Variants in ZCCHC7 observed in about 807,000 individuals in gnomAD.
ZCCHC7 encodes zinc finger CCHC domain-containing protein 7.
In ZCCHC7, 35 loss-of-function variants were observed where a neutral mutation model predicts 52.0. That is an observed-to-expected ratio of 0.67 (90% CI 0.51 to 0.89). The LOEUF is 0.89. Ranked by LOEUF, ZCCHC7 falls within the 40% of genes least tolerant of loss-of-function variation. The pLI, the probability that ZCCHC7 is intolerant of heterozygous loss-of-function variation, is 0.00. For synonymous variants in ZCCHC7, 217 were observed against 221.5 expected, an observed-to-expected ratio of 0.98 and a Z score of 0.18; for missense variants, 574 against 649.1, an observed-to-expected ratio of 0.88 and a Z score of 1.26.
At chr9:37,211,905 G>A (rs1824237912) in intron 2 of ZCCHC7, among the ~76,000 whole-genome samples, 1 of 151,640 alleles carries the variant, frequency 6.6e-6, no homozygotes, top group Non-Finnish European at 1.5e-5. Context: ...GCAGGCGCCT[G>A]TAGTCCCAGC....
intron 2 of ZCCHC7, among the ~76,000 whole-genome samples, chr9:37,272,229 G>T (rs1409470156): frequency 6.6e-6 from 1 of 152,052 alleles, no homozygotes; most frequent in Non-Finnish European, 1.5e-5. Context: ...ATAAATATCT[G>T]CTGGGCCTGG....
chr9:37,186,871 G>A, intron 2 of ZCCHC7: 1 of 345,476 alleles, frequency 2.9e-6, no homozygotes, highest in Non-Finnish European at 5.6e-6. Flanking sequence ...TAACCTAACT[G>A]CGATTTATAA....
intron 2 of ZCCHC7, among the ~76,000 whole-genome samples, chr9:37,191,956 A>T (rs972959745): frequency 1.3e-5 from 2 of 152,272 alleles, no homozygotes; most frequent in Non-Finnish European, 2.9e-5. Flanking sequence ...GCCTAACAGC[A>T]AATAATCCTT....
chr9:37,247,066 AC>A (rs1826112121), intron 2 of ZCCHC7, among the ~76,000 whole-genome samples: 1 of 152,192 alleles, frequency 6.6e-6, no homozygotes, highest in South Asian at 2.1e-4. Context: ...GTTATCTTTG[AC>A]AGATACCTCC....
At chr9:37,243,074 A>G (rs1029358552) in intron 2 of ZCCHC7, among the ~76,000 whole-genome samples, 2 of 151,782 alleles carry the variant, frequency 1.3e-5, no homozygotes, top group Non-Finnish European at 3.0e-5. Context: ...AAATGCCCAG[A>G]TTATTATGAT....
chr9:37,212,351 A>G lies in ZCCHC7; in HGVS notation c.610+85409A>G, dbSNP rs188716319. ...CTTAGAAATATTTTAATTTGTTTGT[A>G]CAGGCATACTGATTTAGTCAGCCAT... On this transcript the variant is annotated intron_variant, in intron 2 of 8. Coordinates refer to ENST00000336755, the MANE Select transcript of ZCCHC7 (RefSeq NM_032226.3). Among the ~76,000 whole-genome samples, 7 of 152,332 alleles carry G rather than the reference A, an allele frequency of 4.6e-5. No individual in the cohort carries two copies. In the East Asian group the frequency reaches 9.6e-4, roughly 21 times the overall value.
intron 8 of ZCCHC7, among the ~76,000 whole-genome samples, chr9:37,355,229 C>G (rs1821622981): frequency 6.6e-6 from 1 of 152,128 alleles, no homozygotes; most frequent in African/African-American, 2.4e-5. Context: ...CTGAAGAAGT[C>G]ATTTGTTAGA....
intron 2 of ZCCHC7, among the ~76,000 whole-genome samples, chr9:37,219,833 CTTATT>C (rs1307749823): frequency 1.3e-5 from 2 of 152,202 alleles, no homozygotes; most frequent in South Asian, 4.2e-4. Flanking sequence ...TTTAGCTTTT[CTTATT>C]TTATTTTTTG....
At chr9:37,290,529 C>T (rs934595189) in intron 2 of ZCCHC7, among the ~76,000 whole-genome samples, 2 of 151,972 alleles carry the variant, frequency 1.3e-5, no homozygotes, top group Non-Finnish European at 2.9e-5. Context: ...GGTGGCATGT[C>T]GCAGTAGTAC....
chr9:37,269,923 A>G (rs1827321470), intron 2 of ZCCHC7, among the ~76,000 whole-genome samples: 1 of 152,114 alleles, frequency 6.6e-6, no homozygotes, highest in South Asian at 2.1e-4. Flanking sequence ...AGAGTTTTAT[A>G]TCTGTGAATC....
At position 37,354,247 on chromosome 9, in the gene ZCCHC7, TGTCTCTAGAAAAAAAG is replaced by T. The variant is rs1425505851; in HGVS notation, c.1084-462_1084-447del. On this transcript the variant is annotated intron_variant, in intron 7 of 8. Transcript: ENST00000336755. This position sits in a 1 kb window ranked among gnomAD's most constrained non-coding sequence, Gnocchi z 4.0. ...AGTTAAAATAAGCTTGCAAACCATTTGTCTCTAGAAAAAAAGATCAAAGGGCTTAGAACTTATACCC... is the reference window on the plus strand; with the variant it reads ...AGTTAAAATAAGCTTGCAAACCATTTATCAAAGGGCTTAGAACTTATACCC... 3.3e-5 allele frequency among the ~76,000 whole-genome samples: 5 copies of T among 152,146 alleles called. No homozygotes were observed. Among genetic ancestry groups the T allele is most frequent in the African/African-American group, 9.7e-5 (4 of 41,436 alleles).
intron 2 of ZCCHC7, among the ~76,000 whole-genome samples, chr9:37,163,579 T>C (rs999037183): frequency 6.6e-6 from 1 of 152,232 alleles, no homozygotes; most frequent in East Asian, 1.9e-4. Flanking sequence ...TAAGGACTAA[T>C]GATGTTGAGC....
chr9:37,146,829 T>G (rs1269837495), intron 2 of ZCCHC7, among the ~76,000 whole-genome samples: 1 of 151,912 alleles, frequency 6.6e-6, no homozygotes, highest in East Asian at 1.9e-4. Flanking sequence ...AGATGTTAAG[T>G]TGAAAATCTG....
At chr9:37,262,165 G>A (rs1046538560) in intron 2 of ZCCHC7, among the ~76,000 whole-genome samples, 3 of 151,544 alleles carry the variant, frequency 2.0e-5, no homozygotes, top group African/African-American at 7.3e-5. Context: ...AGTTACACAT[G>A]ATCCAAGAGA....
chr9:37,194,600 A>AT (rs1823190898), intron 2 of ZCCHC7, among the ~76,000 whole-genome samples: 1 of 152,160 alleles, frequency 6.6e-6, no homozygotes. Context: ...TAAGTGATGT[A>AT]TTGATGATTT....
chr9:37,147,862 A>G (rs1008281841), intron 2 of ZCCHC7, among the ~76,000 whole-genome samples: 14 of 152,094 alleles, frequency 9.2e-5, no homozygotes, highest in Admixed American at 9.2e-4. Context: ...AAAAAAATCT[A>G]CATTATAACA....
intron 2 of ZCCHC7, among the ~76,000 whole-genome samples, chr9:37,240,826 ATTG>A (rs1316773372): frequency 7.9e-5 from 12 of 151,820 alleles, no homozygotes; most frequent in Non-Finnish European, 1.8e-4. Context: ...TGTGTTTGTT[ATTG>A]TTAAGAAGCC....
chr9:37,131,577 G>T (rs1041412298), intron 2 of ZCCHC7, among the ~76,000 whole-genome samples: 1 of 151,796 alleles, frequency 6.6e-6, no homozygotes. Flanking sequence ...CCTGGGAGGC[G>T]GAGGTTGCAG....
intron 2 of ZCCHC7, among the ~76,000 whole-genome samples, chr9:37,205,884 G>GTT (rs369119545): frequency 7.0e-6 from 1 of 143,762 alleles, no homozygotes. Flanking sequence ...ATTTGTTGGA[G>GTT]TTTTTTTTTT....
Sources: allele counts gnomAD v4.1 joint callset (sites outside exome capture counted in the v4.1 genomes callset), GRCh38; gene constraint gnomAD v4.1.1; non-coding constraint Gnocchi (gnomAD v3.1); transcripts MANE v1.5; gene names NCBI Gene and HGNC (gene_info 2026-07-23, HGNC 2026-07-21).